Variants in PTPRN2 observed in about 807,000 individuals in gnomAD.
The protein encoded by PTPRN2 is protein tyrosine phosphatase receptor type N2.
A neutral mutation model predicts 118.8 loss-of-function variants in PTPRN2; 74 were observed. The observed-to-expected ratio is 0.62, with a 90% CI of 0.52 to 0.76. PTPRN2 has a LOEUF of 0.76. Among genes scored for constraint, PTPRN2 ranks in the 30% least tolerant of loss-of-function variants. The pLI is 0.00. For missense variants in PTPRN2, 1,481 were observed against 1,394.4 expected, an observed-to-expected ratio of 1.06 and a Z score of -0.99; for synonymous variants, 641 against 608.0, an observed-to-expected ratio of 1.05 and a Z score of -0.80.
At chr7:157,574,611 C>T (rs565432562) in intron 19 of PTPRN2, among the ~76,000 whole-genome samples, 33 of 152,332 alleles carry the variant, frequency 2.2e-4, no homozygotes, top group African/African-American at 6.3e-4. Context: ...AATGCGCTCC[C>T]TCTGGGCTCC....
In PTPRN2 at chr7:158,470,581, G is replaced by A. The variant is rs556589958; in HGVS notation, c.163+19154C>T. ...CAAAGGGTGGGGGTAGGAAGGTAGC[G>A]TTGCGTCACCCCGACCGGCTGCTCA... On this transcript the variant is annotated intron_variant, in intron 2 of 22. Transcript: ENST00000389418. Among the ~76,000 whole-genome samples the A allele has an allele frequency of 1.8e-3, 271 of 152,308 alleles. 1 individual carries two copies. The highest frequency in any genetic ancestry group is 6.1e-3 in the African/African-American group (253 of 41,566).
At chr7:158,451,051 A>T (rs1313520826) in intron 2 of PTPRN2, among the ~76,000 whole-genome samples, 1 of 152,280 alleles carries the variant, frequency 6.6e-6, no homozygotes, top group East Asian at 1.9e-4. Flanking sequence ...CTAGTAGGGG[A>T]GCTGCTGAAT....
intron 2 of PTPRN2, among the ~76,000 whole-genome samples, chr7:158,418,330 T>C (rs954336692): frequency 3.3e-5 from 5 of 151,024 alleles, no homozygotes; most frequent in Non-Finnish European, 7.4e-5. Context: ...TACATCGAGA[T>C]GCTCTAGCTC....
intron 12 of PTPRN2, among the ~76,000 whole-genome samples, chr7:157,803,552 C>T (rs1030977777): frequency 3.9e-5 from 6 of 152,288 alleles, no homozygotes; most frequent in South Asian, 2.1e-4. Context: ...TCTTCTAGTA[C>T]GTTTATGGTT....
At chr7:158,102,473 T>G (rs1815309343) in intron 10 of PTPRN2, among the ~76,000 whole-genome samples, 1 of 152,170 alleles carries the variant, frequency 6.6e-6, no homozygotes, top group African/African-American at 2.4e-5. Context: ...CCAGGCTGCT[T>G]CTTTTCCATG....
At position 158,270,869 on chromosome 7, in the gene PTPRN2, GCCCCCTCCACCTGGATGACCCCC is replaced by G. The variant is rs1563068150; in HGVS notation, c.277+45927_277+45949del. On this transcript the variant is annotated intron_variant, in intron 3 of 22. Coordinates refer to ENST00000389418, the MANE Select transcript of PTPRN2 (RefSeq NM_002847.5). The stretch of plus-strand genomic sequence containing the variant: ...CCTGGACCGCCCCCCCACCTGGACC[GCCCCCTCCACCTGGATGACCCCC>G]TCCACCTGGACCACCCCCCCCACCT... 3.6e-3 allele frequency among the ~76,000 whole-genome samples: 47 copies of G among 12,898 alleles called. 5 individuals carry two copies. The highest frequency in any genetic ancestry group is 0.013 in the African/African-American group (27 of 2,126). The allele number at this position is 12,898 out of a possible 152,430, so 8.5% of individuals were successfully genotyped here.
chr7:158,342,113 C>T (rs1361584911), intron 2 of PTPRN2, among the ~76,000 whole-genome samples: 2 of 147,346 alleles, frequency 1.4e-5, no homozygotes, highest in African/African-American at 5.1e-5. Flanking sequence ...TCACTCACAC[C>T]CACACTCTCA....
chr7:158,377,753 T>G (rs1810658763), intron 2 of PTPRN2, among the ~76,000 whole-genome samples: 1 of 152,170 alleles, frequency 6.6e-6, no homozygotes, highest in Non-Finnish European at 1.5e-5. Context: ...AGAGCTGACT[T>G]TCTTACACCC....
At chr7:158,219,263 T>C (rs942355450) in intron 3 of PTPRN2, among the ~76,000 whole-genome samples, 13 of 152,080 alleles carry the variant, frequency 8.5e-5, no homozygotes, top group African/African-American at 2.9e-4. Context: ...AACAAGAAGA[T>C]CTCTCAAAAC....
rs545125237 is a variant in PTPRN2, at chr7:158,101,919, C to T, written c.1643+8910G>A. Among the ~76,000 whole-genome samples the T allele has an allele frequency of 7.9e-5, 12 of 152,312 alleles. 1 individual carries two copies. The highest frequency in any genetic ancestry group is 6.2e-4 in the South Asian group (3 of 4,832). ...CAGAGATGGCCAAAGCAGTGAGCAG[C>T]GGCAGGCCCATCTCTGCCCGTCACT... On this transcript the variant is annotated intron_variant, in intron 10 of 22. Transcript: ENST00000389418.
rs1802857722 is a variant in PTPRN2 at position 157,617,438 on chromosome 7, G to A, written c.2344+3924C>T. On this transcript the variant is annotated intron_variant, in intron 15 of 22. Transcript: ENST00000389418. This position sits in a 1 kb window ranked among gnomAD's most constrained non-coding sequence, Gnocchi z 7.5. ...ATGCCGTGGTTAGGACGCCGTTCAC[G>A]CAGCTGCAGCGCAGAGCACGGGCGA... 6.7e-6 allele frequency: 1 copy of A among 148,744 alleles called. No individual in the cohort carries two copies. The highest frequency in any genetic ancestry group is 2.5e-5 in the African/African-American group (1 of 40,008). 9.2% of individuals were successfully genotyped at this position (148,744 alleles called of 1,614,324 possible). A position where few individuals can be genotyped will look rare whatever the true frequency, so the allele number is the denominator to read the frequency against.
intron 11 of PTPRN2, among the ~76,000 whole-genome samples, chr7:157,951,512 T>C (rs1404453988): frequency 6.6e-6 from 1 of 151,962 alleles, no homozygotes; most frequent in Admixed American, 6.5e-5. Context: ...AACAGGAGGG[T>C]CCCATGGGGC....
intron 4 of PTPRN2, among the ~76,000 whole-genome samples, chr7:158,204,643 C>CA (rs1826974271): frequency 6.6e-6 from 1 of 152,130 alleles, no homozygotes; most frequent in South Asian, 2.1e-4. Flanking sequence ...CCCTATGACT[C>CA]AATTTCCTCA....
Position 157,632,934 on chromosome 7 carries a change from A to C in PTPRN2, c.2197-11425T>G, listed in dbSNP as rs755220981. On this transcript the variant is annotated intron_variant, in intron 14 of 22. Coordinates refer to ENST00000389418, the MANE Select transcript of PTPRN2 (RefSeq NM_002847.5). The surrounding 1 kb of genome is among the most constrained non-coding windows in gnomAD (Gnocchi z 4.3). ...ATTCTAAGTGAAATGTGAATGCCTC[A>C]TCTGGTTTTGGGACAGAGGGCTAAG... Among the ~76,000 whole-genome samples the C allele has an allele frequency of 3.3e-5, 5 of 152,318 alleles. No homozygotes were observed. Among genetic ancestry groups the C allele is most frequent in the Non-Finnish European group, 7.4e-5 (5 of 68,026 alleles).
At chr7:157,947,419 A>G (rs1403893742) in intron 11 of PTPRN2, among the ~76,000 whole-genome samples, 2 of 152,182 alleles carry the variant, frequency 1.3e-5, no homozygotes, top group East Asian at 3.8e-4. Flanking sequence ...TTGCCCACCT[A>G]TTATTCCCCA....
rs917260668 is a variant in PTPRN2 at position 157,944,254 on chromosome 7, C to T, written c.1724-45517G>A. On this transcript the variant is annotated intron_variant, in intron 11 of 22. Coordinates refer to ENST00000389418, the MANE Select transcript of PTPRN2 (RefSeq NM_002847.5). This position sits in a 1 kb window ranked among gnomAD's most constrained non-coding sequence, Gnocchi z 4.3. ...AAGATTGAGCATGGTTCGTCGCGAA[C>T]GCCAGCCTGCCCCCACGGTCATGTC... Among the ~76,000 whole-genome samples, 34 of 152,266 alleles carry T rather than the reference C, an allele frequency of 2.2e-4. No homozygotes were observed. Among genetic ancestry groups the T allele is most frequent in the African/African-American group, 7.0e-4 (29 of 41,554 alleles).
chr7:157,889,703 A>G (rs1352224006), intron 12 of PTPRN2, among the ~76,000 whole-genome samples: 3 of 152,184 alleles, frequency 2.0e-5, no homozygotes, highest in African/African-American at 7.2e-5. Flanking sequence ...ATACTTAGCC[A>G]CCCACTCAGC....
rs1031964898 is a variant in PTPRN2 at position 157,861,585 on chromosome 7, T to G, written c.1788+37088A>C. On this transcript the variant is annotated intron_variant, in intron 12 of 22. Coordinates refer to ENST00000389418, the MANE Select transcript of PTPRN2 (RefSeq NM_002847.5). This position sits in a 1 kb window ranked among gnomAD's most constrained non-coding sequence, Gnocchi z 5.8. The stretch of plus-strand genomic sequence containing the variant: ...TCAAAGCCGAGCTGTGTGAGGCTTT[T>G]GGGGCTGCCAGAACAAAGGACTCCA... 6.6e-6 allele frequency among the ~76,000 whole-genome samples: 1 copy of G among 152,196 alleles called. No homozygotes were observed. Among genetic ancestry groups the G allele is most frequent in the African/African-American group, 2.4e-5 (1 of 41,462 alleles).
rs79651026 is a variant in PTPRN2, at chr7:158,526,860, A to C, written c.113-37075T>G. Among the ~76,000 whole-genome samples the C allele has an allele frequency of 0.013, 2,045 of 152,106 alleles. 144 individuals carry two copies. Among genetic ancestry groups the C allele is most frequent in the Admixed American group, 0.11 (1,677 of 15,254 alleles). On this transcript the variant is annotated intron_variant, in intron 1 of 22. Coordinates refer to ENST00000389418, the MANE Select transcript of PTPRN2 (RefSeq NM_002847.5). This position sits in a 1 kb window ranked among gnomAD's most constrained non-coding sequence, Gnocchi z 5.2. ...GGACTTTCGGCCTCCAGGACTCAGA[A>C]ATGTCTGTTGTTTGCTAAGCCGCCT...
Sources: gnomAD v4.1 joint callset for allele counts (sites outside exome capture counted in the v4.1 genomes callset) on GRCh38, gnomAD v4.1.1 for gene constraint, Gnocchi (gnomAD v3.1) non-coding constraint, MANE v1.5 for transcripts, NCBI Gene and HGNC (gene_info 2026-07-23, HGNC 2026-07-21) for gene names.